The following DPP6 variants were observed in gnomAD, a reference collection of about 807,000 sequenced individuals.
DPP6 encodes A-type potassium channel modulatory protein DPP6.
In DPP6, 69 loss-of-function variants were observed where a neutral mutation model predicts 122.6. The ratio of observed to expected loss-of-function variants is 0.56; its 90% CI spans 0.46 to 0.69. The LOEUF is 0.69. Among genes scored for constraint, DPP6 ranks in the 30% least tolerant of loss-of-function variants. The pLI is 0.00. For missense variants in DPP6, 928 were observed against 1,116.9 expected (o/e 0.83, Z 2.41); for synonymous variants, 418 against 433.1 (o/e 0.97, Z 0.43).
chr7:154,301,788 T>C (rs1805919937), intron 1 of DPP6, among the ~76,000 whole-genome samples: 1 of 71,360 alleles, frequency 1.4e-5, no homozygotes, highest in Non-Finnish European at 2.5e-5. Context: ...TCTGCCCTCT[T>C]TTTTTTTTTT....
At chr7:153,857,256 T>C in the DPP6 span, among the ~76,000 whole-genome samples, 1 of 151,936 alleles carries the variant, frequency 6.6e-6, no homozygotes, top group East Asian at 1.9e-4. Flanking sequence ...TTAATAGTTA[T>C]TTAGAAAACA....
chr7:154,740,794 AC>A (rs1842782686), intron 8 of DPP6, among the ~76,000 whole-genome samples: 1 of 151,656 alleles, frequency 6.6e-6, no homozygotes, highest in African/African-American at 2.4e-5. Context: ...CCCTTTCGTC[AC>A]CCCCACACAC....
intron 5 of DPP6, among the ~76,000 whole-genome samples, chr7:154,573,718 A>T (rs1176582281): frequency 6.6e-6 from 1 of 152,240 alleles, no homozygotes; most frequent in African/African-American, 2.4e-5. Context: ...CTGATTTTTG[A>T]AATGTGTGTT....
intron 1 of DPP6, among the ~76,000 whole-genome samples, chr7:154,086,006 G>A (rs1461480780): frequency 1.3e-5 from 2 of 151,840 alleles, no homozygotes; most frequent in South Asian, 2.1e-4. Context: ...GATTACAGGC[G>A]TGAGCCACCG....
At chr7:153,926,798 A>G (rs984571443) in intron 1 of DPP6, among the ~76,000 whole-genome samples, 1 of 104,760 alleles carries the variant, frequency 9.5e-6, no homozygotes, top group African/African-American at 4.0e-5. Context: ...AGAAAAATAC[A>G]GATTTGTAAA....
intron 19 of DPP6, among the ~76,000 whole-genome samples, chr7:154,873,475 A>G (rs113770505): frequency 6.6e-6 from 1 of 152,240 alleles, no homozygotes; most frequent in African/African-American, 2.4e-5. Context: ...AGCGAGGCCT[A>G]TGCTGGGCTG....
chr7:154,491,028 G>C (rs568019770), intron 3 of DPP6, among the ~76,000 whole-genome samples: 1 of 152,328 alleles, frequency 6.6e-6, no homozygotes, highest in Non-Finnish European at 1.5e-5. Flanking sequence ...ATGTGTGATG[G>C]TCAGCGACTG....
intron 5 of DPP6, among the ~76,000 whole-genome samples, chr7:154,585,111 C>A (rs1367276444): frequency 5.5e-4 from 1 of 1,830 alleles, no homozygotes; most frequent in Admixed American, 2.8e-3. Flanking sequence ...CAGCCACAGA[C>A]CTGTCTACAG....
chr7:154,709,073 G>A (rs758848888), intron 7 of DPP6, among the ~76,000 whole-genome samples: 4 of 151,866 alleles, frequency 2.6e-5, no homozygotes, highest in Admixed American at 1.3e-4. Flanking sequence ...ATAAAATAAC[G>A]TTGAAAAGCA....
At chr7:153,969,163 T>C (rs1364556679) in intron 1 of DPP6, among the ~76,000 whole-genome samples, 5 of 151,280 alleles carry the variant, frequency 3.3e-5, no homozygotes, top group Non-Finnish European at 5.9e-5. Context: ...TTTAACCTGA[T>C]GAACTAGAGG....
At chr7:154,453,446 C>A (rs1283735601) in intron 2 of DPP6, among the ~76,000 whole-genome samples, 1 of 151,932 alleles carries the variant, frequency 6.6e-6, no homozygotes, top group Non-Finnish European at 1.5e-5. Flanking sequence ...TGCCAACCCT[C>A]ACCTTATCTT....
At chr7:154,737,713 G>T (rs1285700304) in intron 8 of DPP6, among the ~76,000 whole-genome samples, 1 of 152,160 alleles carries the variant, frequency 6.6e-6, no homozygotes, top group Non-Finnish European at 1.5e-5. Context: ...ATGAAATTAG[G>T]CTTGGGTCCA....
intron 1 of DPP6, among the ~76,000 whole-genome samples, chr7:154,141,819 C>A (rs1213826611): frequency 6.6e-6 from 1 of 152,164 alleles, no homozygotes; most frequent in East Asian, 1.9e-4. Flanking sequence ...TCAGTACAGT[C>A]AGGAAGGAAG....
intron 10 of DPP6, among the ~76,000 whole-genome samples, chr7:154,782,366 ATC>A (rs1320158358): frequency 3.9e-5 from 6 of 152,232 alleles, no homozygotes; most frequent in African/African-American, 1.4e-4. Flanking sequence ...ATGCTTCAAT[ATC>A]TCTCTTCATC....
intron 1 of DPP6, among the ~76,000 whole-genome samples, chr7:154,395,946 G>GTT (rs34530908): frequency 2.7e-4 from 40 of 145,472 alleles, no homozygotes; most frequent in Admixed American, 4.7e-4. Flanking sequence ...AATTTCTTGA[G>GTT]TTTTTTTTTT....
chr7:154,539,306 G>A (rs1329723447), intron 3 of DPP6, among the ~76,000 whole-genome samples: 1 of 152,094 alleles, frequency 6.6e-6, no homozygotes, highest in African/African-American at 2.4e-5. Context: ...ACCTATCTCT[G>A]ATTTTAATTT....
At chr7:154,729,256 G>C (rs1842219663) in intron 8 of DPP6, among the ~76,000 whole-genome samples, 1 of 152,112 alleles carries the variant, frequency 6.6e-6, no homozygotes, top group African/African-American at 2.4e-5. Flanking sequence ...AACTCACCCT[G>C]CTAGGCTGGG....
chr7:153,778,243 G>A, the DPP6 span, among the ~76,000 whole-genome samples: 59 of 151,224 alleles, frequency 3.9e-4, 2 homozygotes, highest in South Asian at 0.01. Context: ...AAAGAGGGAA[G>A]GCTAGAATAA....
chr7:154,428,167 T>C (rs891771120), intron 1 of DPP6, among the ~76,000 whole-genome samples: 7 of 152,172 alleles, frequency 4.6e-5, no homozygotes, highest in African/African-American at 1.4e-4. Flanking sequence ...TTGTTGAAAA[T>C]TGGGAAGTAT....
Sources: gnomAD v4.1 joint callset for allele counts (sites outside exome capture counted in the v4.1 genomes callset) on GRCh38, gnomAD v4.1.1 for gene constraint, MANE v1.5 for transcripts, NCBI Gene and HGNC (gene_info 2026-07-23, HGNC 2026-07-21) for gene names.